The following DSCAM variants were observed in gnomAD, a reference collection of about 807,000 sequenced individuals.
The protein encoded by DSCAM is DS cell adhesion molecule.
Under a neutral mutation model 217.7 loss-of-function variants are expected in DSCAM, and 47 were observed. That is an observed-to-expected ratio of 0.22 (90% CI 0.17 to 0.28). DSCAM has a LOEUF of 0.28. Ranked by LOEUF, DSCAM falls within the 10% of genes least tolerant of loss-of-function variation. The pLI is 1.00. For missense variants in DSCAM, 2,080 were observed against 2,618.3 expected (o/e 0.79, Z 4.49); for synonymous variants, 1,056 against 1,015.3 (o/e 1.04, Z -0.76).
intron 1 of DSCAM, among the ~76,000 whole-genome samples, chr21:40,808,823 C>T (rs1000407247): frequency 1.3e-5 from 2 of 152,104 alleles, no homozygotes; most frequent in African/African-American, 2.4e-5. Flanking sequence ...CATGGACCTG[C>T]TATTCAGTGT....
chr21:40,760,057 G>T (rs1309333475), intron 1 of DSCAM, among the ~76,000 whole-genome samples: 1 of 151,728 alleles, frequency 6.6e-6, no homozygotes, highest in Non-Finnish European at 1.5e-5. Flanking sequence ...GCAGTGGCAG[G>T]ATCTTGGCTC....
intron 4 of DSCAM, among the ~76,000 whole-genome samples, chr21:40,367,245 G>T (rs933788001): frequency 6.6e-6 from 1 of 152,128 alleles, no homozygotes; most frequent in African/African-American, 2.4e-5. Flanking sequence ...TTGGTTATTT[G>T]CAGTTTTCTG....
At chr21:40,818,783 A>C (rs2091904600) in intron 1 of DSCAM, among the ~76,000 whole-genome samples, 1 of 152,162 alleles carries the variant, frequency 6.6e-6, no homozygotes, top group African/African-American at 2.4e-5. Flanking sequence ...ATGTGATAAA[A>C]TCTAAGAGAA....
At chr21:40,371,692 C>T (rs922625128) in intron 3 of DSCAM, among the ~76,000 whole-genome samples, 15 of 152,040 alleles carry the variant, frequency 9.9e-5, no homozygotes, top group Middle Eastern at 3.2e-3. Flanking sequence ...GGCTTTAGGG[C>T]GTATCATTTC....
At chr21:40,250,251 G>A (rs193269958) in intron 11 of DSCAM, among the ~76,000 whole-genome samples, 166 of 152,214 alleles carry the variant, frequency 1.1e-3, no homozygotes, top group African/African-American at 3.7e-3. Context: ...TGTGGTCTGC[G>A]ACATCTCTGA....
rs1354381922 is a variant in DSCAM at position 40,297,591 on chromosome 21, G to GT, written c.2063-1418dup. Among the ~76,000 whole-genome samples, 4 of 152,292 alleles carry GT rather than the reference G, an allele frequency of 2.6e-5. No individual in the cohort carries two copies. In the East Asian group the frequency reaches 7.7e-4, roughly 29 times the overall value. On this transcript the variant is annotated intron_variant, in intron 9 of 32. Coordinates refer to ENST00000400454, the MANE Select transcript of DSCAM (RefSeq NM_001389.5). ...CCACATATGATAGACTGAGAAGATGGTTAGGGCCTAAGTTAGCAAGGGGCT... is the reference window on the plus strand; with the variant it reads ...CCACATATGATAGACTGAGAAGATGGTTTAGGGCCTAAGTTAGCAAGGGGCT...
chr21:40,657,349 C>T (rs183089524), intron 3 of DSCAM, among the ~76,000 whole-genome samples: 5 of 152,234 alleles, frequency 3.3e-5, no homozygotes, highest in South Asian at 2.1e-4. Context: ...CCTTAAGATG[C>T]AATTCTCTGT....
chr21:40,525,487 G>A (rs2076393805), intron 3 of DSCAM, among the ~76,000 whole-genome samples: 1 of 152,166 alleles, frequency 6.6e-6, no homozygotes, highest in Non-Finnish European at 1.5e-5. Context: ...GATCTCCAAT[G>A]TCATGAAACA....
chr21:40,077,093 C>T (rs2089376269), intron 26 of DSCAM, among the ~76,000 whole-genome samples: 1 of 152,120 alleles, frequency 6.6e-6, no homozygotes, highest in African/African-American at 2.4e-5. Context: ...TAGAAAGAGG[C>T]AGCCCATGAA....
At chr21:40,727,409 A>G (rs934690570) in intron 1 of DSCAM, among the ~76,000 whole-genome samples, 10 of 152,208 alleles carry the variant, frequency 6.6e-5, no homozygotes, top group African/African-American at 2.2e-4. Flanking sequence ...AATTAATAAG[A>G]GTCACATAAG....
intron 11 of DSCAM, among the ~76,000 whole-genome samples, chr21:40,240,349 G>GTTTTTTTTTTTT (rs749073872): frequency 5.2e-5 from 3 of 57,732 alleles, no homozygotes; most frequent in African/African-American, 1.5e-4. Context: ...TTCCTCACTG[G>GTTTTTTTTTTTT]TTTTTTTTTT....
At chr21:40,143,307 G>A (rs2090314759) in intron 17 of DSCAM, among the ~76,000 whole-genome samples, 1 of 152,226 alleles carries the variant, frequency 6.6e-6, no homozygotes, top group African/African-American at 2.4e-5. Context: ...CGCTGGGGCG[G>A]TGCAAAATAC....
At chr21:40,692,673 T>C (rs2090550231) in intron 3 of DSCAM, 137 bp downstream of exon 3, 2 of 1,103,286 alleles carry the variant, frequency 1.8e-6, no homozygotes, top group South Asian at 4.0e-5. Context: ...TCAGGTTTAC[T>C]TACAAAATAG....
rs923331824 is a variant in DSCAM at position 40,047,612 on chromosome 21, C to T, written c.5186-3337G>A. Among the ~76,000 whole-genome samples, 11 of 152,236 alleles carry T rather than the reference C, an allele frequency of 7.2e-5. No homozygotes were observed. In the East Asian group the frequency reaches 1.7e-3, roughly 24 times the overall value. ...ATAATAGGTTACAGAACATGTCATGCGTACTGTGATCATGGTATTAATCTG... is the reference window on the plus strand; with the variant it reads ...ATAATAGGTTACAGAACATGTCATGTGTACTGTGATCATGGTATTAATCTG... On this transcript the variant is annotated intron_variant, in intron 30 of 32. Coordinates refer to ENST00000400454, the MANE Select transcript of DSCAM (RefSeq NM_001389.5).
chr21:40,311,974 TG>T, intron 9 of DSCAM, 106 bp downstream of exon 9: 1 of 279,922 alleles, frequency 3.6e-6, no homozygotes, highest in Non-Finnish European at 6.9e-6. Flanking sequence ...GAGATAAAAC[TG>T]AATTTCTAAG....
chr21:40,825,746 C>A (rs1003624249), intron 1 of DSCAM, among the ~76,000 whole-genome samples: 1 of 151,860 alleles, frequency 6.6e-6, no homozygotes, highest in African/African-American at 2.4e-5. Context: ...ATTGTTATAT[C>A]TTTTATGGGT....
chr21:40,313,318 C>CT (rs1289882702), intron 8 of DSCAM, among the ~76,000 whole-genome samples: 2 of 152,084 alleles, frequency 1.3e-5, no homozygotes, highest in Non-Finnish European at 2.9e-5. Context: ...GGTTATTTGA[C>CT]TTGCTGATGT....
chr21:40,369,336 C>A, intron 3 of DSCAM, 91 bp from the exon 4 acceptor site: 1 of 1,338,172 alleles, frequency 7.5e-7, no homozygotes, highest in East Asian at 2.4e-5. Context: ...TTTTTTTCCC[C>A]CACCTGAAGA....
At chr21:40,026,047 G>T (rs143645103) in intron 32 of DSCAM, among the ~76,000 whole-genome samples, 68,361 of 130,758 alleles carry the variant, frequency 0.52, 19,762 homozygotes, top group East Asian at 0.6. Context: ...CTTTGAATGC[G>T]TCCCAGAGAT....
Sources: allele counts gnomAD v4.1 joint callset (sites outside exome capture counted in the v4.1 genomes callset), GRCh38; gene constraint gnomAD v4.1.1; transcripts MANE v1.5; gene names NCBI Gene and HGNC (gene_info 2026-07-23, HGNC 2026-07-21).